The following WWOX variants were observed in gnomAD, a reference collection of about 807,000 sequenced individuals.
WWOX encodes the protein WW domain-containing oxidoreductase.
WWOX carries 69 observed loss-of-function variants against 46.2 expected under a neutral mutation model. The observed-to-expected ratio is 1.49, with a 90% CI of 1.23 to 1.82. WWOX has a LOEUF of 1.82. Ranked by LOEUF, WWOX falls within the 40% of genes most tolerant of loss-of-function variation. The pLI is 0.00. For missense variants in WWOX, 919 were observed against 542.6 expected, an observed-to-expected ratio of 1.69 and a Z score of -6.89; for synonymous variants, 359 against 202.6, an observed-to-expected ratio of 1.77 and a Z score of -6.56.
At chr16:78,893,841 C>G (rs1317396849) in intron 8 of WWOX, among the ~76,000 whole-genome samples, 1 of 152,066 alleles carries the variant, frequency 6.6e-6, no homozygotes, top group Non-Finnish European at 1.5e-5. Context: ...ATCACACTCA[C>G]ACAGTATCTT....
At chr16:78,518,694 C>A (rs1194566100) in intron 8 of WWOX, among the ~76,000 whole-genome samples, 1 of 152,198 alleles carries the variant, frequency 6.6e-6, no homozygotes, top group Non-Finnish European at 1.5e-5. Context: ...AGCCACCATG[C>A]AAGGTCCTGG....
At chr16:78,389,390 C>A (rs143428583) in intron 6 of WWOX, among the ~76,000 whole-genome samples, 6 of 152,164 alleles carry the variant, frequency 3.9e-5, no homozygotes, top group African/African-American at 7.2e-5. Flanking sequence ...CCACAGTAAC[C>A]GCACACAAGC....
chr16:78,918,862 A>T (rs539512517), intron 8 of WWOX, among the ~76,000 whole-genome samples: 1 of 152,276 alleles, frequency 6.6e-6, no homozygotes, highest in South Asian at 2.1e-4. Context: ...GTCGTTCCAA[A>T]TATGAGCACT....
intron 8 of WWOX, among the ~76,000 whole-genome samples, chr16:79,034,293 A>T (rs1276270879): frequency 6.6e-6 from 1 of 152,230 alleles, no homozygotes; most frequent in Non-Finnish European, 1.5e-5. Flanking sequence ...GAAAAGCACC[A>T]TTATTAGTAA....
intron 8 of WWOX, among the ~76,000 whole-genome samples, chr16:78,641,150 T>C (rs2046698946): frequency 6.6e-6 from 1 of 151,978 alleles, no homozygotes; most frequent in African/African-American, 2.4e-5. Flanking sequence ...AAAATTCTCT[T>C]CCTTGGATTT....
chr16:78,219,022 A>G (rs1485540663), intron 5 of WWOX, among the ~76,000 whole-genome samples: 1 of 152,248 alleles, frequency 6.6e-6, no homozygotes, highest in Non-Finnish European at 1.5e-5. Flanking sequence ...CTTGGCGTCC[A>G]GGACTAAAGT....
At chr16:78,565,460 C>A (rs918774075) in intron 8 of WWOX, among the ~76,000 whole-genome samples, 17 of 152,312 alleles carry the variant, frequency 1.1e-4, no homozygotes, top group African/African-American at 4.1e-4. Context: ...AATATCATCA[C>A]ATCTCCTTTA....
intron 5 of WWOX, among the ~76,000 whole-genome samples, chr16:78,327,409 A>T (rs1378338771): frequency 6.6e-6 from 1 of 151,702 alleles, no homozygotes; most frequent in Non-Finnish European, 1.5e-5. Flanking sequence ...TCTTCACTGG[A>T]CTCTCCAAGC....
intron 5 of WWOX, among the ~76,000 whole-genome samples, chr16:78,172,290 G>A (rs1375247566): frequency 3.9e-5 from 6 of 152,156 alleles, no homozygotes; most frequent in African/African-American, 2.4e-5. Context: ...TTCGCCTTCC[G>A]TTCCAGACTT....
At chr16:78,616,203 C>G (rs998003956) in intron 8 of WWOX, among the ~76,000 whole-genome samples, 3 of 150,512 alleles carry the variant, frequency 2.0e-5, no homozygotes, top group African/African-American at 7.4e-5. Flanking sequence ...CACACAAGCA[C>G]ACACACACTT....
intron 8 of WWOX, among the ~76,000 whole-genome samples, chr16:79,011,891 T>C (rs1335489677): frequency 6.6e-6 from 1 of 152,036 alleles, no homozygotes; most frequent in East Asian, 1.9e-4. Context: ...TGGCCTCCAG[T>C]GATCCTCCCG....
intron 4 of WWOX, among the ~76,000 whole-genome samples, chr16:78,163,081 A>G (rs898813455): frequency 1.3e-5 from 2 of 152,186 alleles, no homozygotes; most frequent in Admixed American, 1.3e-4. Context: ...TCTCCTGTGC[A>G]TTTATTTCCA....
intron 8 of WWOX, among the ~76,000 whole-genome samples, chr16:78,918,301 C>T (rs1460175133): frequency 6.6e-6 from 1 of 152,194 alleles, no homozygotes; most frequent in African/African-American, 2.4e-5. Context: ...ATTTGTACTT[C>T]TAAGAGGCAT....
chr16:78,757,832 T>G (rs1017814502), intron 8 of WWOX, among the ~76,000 whole-genome samples: 4 of 152,066 alleles, frequency 2.6e-5, no homozygotes, highest in Admixed American at 6.6e-5. Flanking sequence ...CTTCAGCCTC[T>G]TCTGACAAGT....
intron 8 of WWOX, among the ~76,000 whole-genome samples, chr16:79,038,205 C>T (rs2047905133): frequency 6.6e-6 from 1 of 152,078 alleles, no homozygotes; most frequent in African/African-American, 2.4e-5. Flanking sequence ...ACCCTGTTGG[C>T]CCTTTGCAAA....
chr16:79,190,845 A>G lies in WWOX; in HGVS notation c.1057-20763A>G, dbSNP rs4888938. On this transcript the variant is annotated intron_variant, in intron 8 of 8. Coordinates refer to ENST00000566780, the MANE Select transcript of WWOX (RefSeq NM_016373.4). ...TATAAATGTAGAGCCTGCAAAGTCT[A>G]AAATATTTACTATCTGCCCTTTTGC... is the stretch of plus-strand genomic sequence containing the variant. Among the ~76,000 whole-genome samples the G allele has an allele frequency of 3.4e-3, 519 of 152,346 alleles. 5 individuals carry two copies. The highest frequency in any genetic ancestry group is 0.025 in the Admixed American group (380 of 15,306).
At chr16:79,183,240 C>G (rs1404672327) in intron 8 of WWOX, among the ~76,000 whole-genome samples, 1 of 152,210 alleles carries the variant, frequency 6.6e-6, no homozygotes, top group Non-Finnish European at 1.5e-5. Context: ...TTTTCCTTTT[C>G]TTGCAAACCT....
intron 5 of WWOX, among the ~76,000 whole-genome samples, chr16:78,378,572 C>G (rs1376707935): frequency 6.6e-6 from 1 of 152,188 alleles, no homozygotes; most frequent in Non-Finnish European, 1.5e-5. Context: ...AGTTAGATTT[C>G]TATTGTAGTT....
chr16:78,430,529 C>T (rs1376757355), intron 7 of WWOX, among the ~76,000 whole-genome samples: 1 of 152,116 alleles, frequency 6.6e-6, no homozygotes, highest in Non-Finnish European at 1.5e-5. Flanking sequence ...ACATCATGTG[C>T]ATTGCAAGAC....
Sources: gnomAD v4.1 joint callset for allele counts (sites outside exome capture counted in the v4.1 genomes callset) on GRCh38, gnomAD v4.1.1 for gene constraint, MANE v1.5 for transcripts, NCBI Gene and HGNC (gene_info 2026-07-23, HGNC 2026-07-21) for gene names.